The following ZBBX variants were observed in gnomAD, a reference collection of about 807,000 sequenced individuals.
ZBBX encodes zinc finger B-box domain-containing protein 1.
Under a neutral mutation model 108.5 loss-of-function variants are expected in ZBBX, and 101 were observed. The ratio of observed to expected loss-of-function variants is 0.93; its 90% CI spans 0.79 to 1.10. ZBBX has a LOEUF of 1.10. ZBBX is among the 50% of genes least tolerant of loss of function. ZBBX has a pLI of 0.00. For missense variants in ZBBX, 1,009 were observed against 941.4 expected, an observed-to-expected ratio of 1.07 and a Z score of -0.94; for synonymous variants, 356 against 323.4, an observed-to-expected ratio of 1.10 and a Z score of -1.08.
the ZBBX span, among the ~76,000 whole-genome samples, chr3:167,224,098 A>G: frequency 6.6e-6 from 1 of 151,954 alleles, no homozygotes; most frequent in Non-Finnish European, 1.5e-5. Context: ...CTGCATGCCA[A>G]TTAGCAGTCC....
chr3:167,348,167 G>C (rs1009926456), intron 9 of ZBBX, among the ~76,000 whole-genome samples: 1 of 134,966 alleles, frequency 7.4e-6, no homozygotes, highest in Non-Finnish European at 1.6e-5. Context: ...GAAGGAAAGA[G>C]AGAAAGAGAG....
the ZBBX span, among the ~76,000 whole-genome samples, chr3:167,215,548 G>A: frequency 8.6e-5 from 13 of 152,046 alleles, 1 homozygote; most frequent in East Asian, 7.7e-4. Flanking sequence ...TCTACCACAC[G>A]TACAAAGAAG....
intron 12 of ZBBX, among the ~76,000 whole-genome samples, chr3:167,321,717 A>C (rs1736476351): frequency 6.6e-6 from 1 of 152,108 alleles, no homozygotes; most frequent in South Asian, 2.1e-4. Flanking sequence ...TACTATTAAT[A>C]AAATTAGAAA....
At chr3:167,196,234 G>C in the ZBBX span, among the ~76,000 whole-genome samples, 1 of 152,170 alleles carries the variant, frequency 6.6e-6, no homozygotes. Flanking sequence ...AGTTCACAAA[G>C]AGTCTTGAGA....
At chr3:167,184,972 G>C in the ZBBX span, among the ~76,000 whole-genome samples, 1 of 152,096 alleles carries the variant, frequency 6.6e-6, no homozygotes, top group Non-Finnish European at 1.5e-5. Context: ...GGGGACACTA[G>C]GTAAATTGTA....
chr3:167,228,242 A>C, the ZBBX span, among the ~76,000 whole-genome samples: 2 of 151,826 alleles, frequency 1.3e-5, no homozygotes, highest in Non-Finnish European at 2.9e-5. Context: ...GAGGCCAAAG[A>C]GTTAAAGTGT....
chr3:167,216,184 ATC>A, the ZBBX span, among the ~76,000 whole-genome samples: 1 of 152,118 alleles, frequency 6.6e-6, no homozygotes, highest in Non-Finnish European at 1.5e-5. Context: ...AAGTCAAACT[ATC>A]TCTGTTTGCA....
chr3:167,180,872 G>T, the ZBBX span, among the ~76,000 whole-genome samples: 2 of 152,168 alleles, frequency 1.3e-5, no homozygotes, highest in African/African-American at 4.8e-5. Flanking sequence ...GCCCCCATGG[G>T]TTGTATAACT....
At chr3:167,284,192 C>CTATA (rs71632466) in intron 19 of ZBBX, among the ~76,000 whole-genome samples, 3 of 108,112 alleles carry the variant, frequency 2.8e-5, no homozygotes, top group African/African-American at 1.0e-4. Context: ...ATATCTATAT[C>CTATA]TATATATATA....
At chr3:167,299,562 A>G (rs901904370) in intron 17 of ZBBX, among the ~76,000 whole-genome samples, 21 of 152,256 alleles carry the variant, frequency 1.4e-4, no homozygotes, top group Admixed American at 2.6e-4. Context: ...ACAAACTTAC[A>G]AAGTTAACTA....
the ZBBX span, among the ~76,000 whole-genome samples, chr3:167,205,251 G>A: frequency 6.6e-6 from 1 of 152,222 alleles, no homozygotes; most frequent in East Asian, 1.9e-4. Context: ...AATAGTGGGA[G>A]ATGCAGAGGG....
At chr3:167,341,679 TATTA>T (rs1455249203) in intron 9 of ZBBX, among the ~76,000 whole-genome samples, 1 of 151,990 alleles carries the variant, frequency 6.6e-6, no homozygotes, top group Non-Finnish European at 1.5e-5. Flanking sequence ...TTATGCACTA[TATTA>T]ATTATCTTAG....
At chr3:167,401,371 T>C (rs1291675768) in intron 1 of ZBBX, 1 of 152,132 alleles carries the variant, frequency 6.6e-6, no homozygotes, top group Admixed American at 6.6e-5. Context: ...AAGAAAGGGC[T>C]CTTGGATCTC....
the ZBBX span, among the ~76,000 whole-genome samples, chr3:167,194,482 T>A: frequency 2.6e-5 from 4 of 152,112 alleles, no homozygotes; most frequent in Admixed American, 2.6e-4. Context: ...CCCAAACTAT[T>A]TCACAGAATG....
At chr3:167,236,181 T>C (rs1303213114), downstream of ZBBX, among the ~76,000 whole-genome samples, 1 of 151,726 alleles carries the variant, frequency 6.6e-6, no homozygotes, top group African/African-American at 2.4e-5. Context: ...AGATGGGATG[T>C]TTCAGAAATA....
At chr3:167,308,812 G>A (rs55696180) in intron 16 of ZBBX, among the ~76,000 whole-genome samples, 4,778 of 152,238 alleles carry the variant, frequency 0.031, 116 homozygotes, top group African/African-American at 0.064. Flanking sequence ...GGTGAGGGTG[G>A]TAGGAGGGAG....
chr3:167,248,787 A>C, intron 20 of ZBBX: 1 of 377,758 alleles, frequency 2.6e-6, no homozygotes, highest in South Asian at 2.0e-5. Flanking sequence ...AGGCTCAGGA[A>C]ACTCAAGGTT....
intron 10 of ZBBX, among the ~76,000 whole-genome samples, chr3:167,330,476 T>A (rs1224628920): frequency 6.6e-6 from 1 of 152,058 alleles, no homozygotes; most frequent in Non-Finnish European, 1.5e-5. Flanking sequence ...CACAAATTCA[T>A]ATGTTGAAGC....
the ZBBX span, among the ~76,000 whole-genome samples, chr3:167,182,132 C>A: frequency 6.6e-6 from 1 of 152,032 alleles, no homozygotes; most frequent in Admixed American, 6.6e-5. Context: ...ATTTTTTTTA[C>A]AGTCTTTTTT....
Sources: gnomAD v4.1 joint callset for allele counts (sites outside exome capture counted in the v4.1 genomes callset) on GRCh38, gnomAD v4.1.1 for gene constraint, MANE v1.5 for transcripts, NCBI Gene and HGNC (gene_info 2026-07-23, HGNC 2026-07-21) for gene names.